The following PRR11 variants were observed in gnomAD, a reference collection of about 807,000 sequenced individuals.
PRR11 encodes the protein proline rich 11, also known as proline-rich protein 11.
PRR11 carries 30 observed loss-of-function variants against 45.6 expected under a neutral mutation model. That is an observed-to-expected ratio of 0.66 (90% confidence interval 0.49 to 0.89). The LOEUF is 0.89. PRR11 is among the 40% of genes least tolerant of loss of function. PRR11 has a pLI of 0.00. For missense variants in PRR11, 373 were observed against 424.8 expected (o/e 0.88, Z 1.07); for synonymous variants, 128 against 153.5 (o/e 0.83, Z 1.23).
At chr17:59,197,443 A>G (rs2046871962) in intron 7 of PRR11, 101 bp from the exon 8 acceptor site, 13 of 1,069,414 alleles carry the variant, frequency 1.2e-5, no homozygotes, top group Admixed American at 2.2e-5. Flanking sequence ...AATAGAGACA[A>G]GGTTTCACCG....
chr17:59,159,956 C>T (rs1284524929), intron 1 of PRR11, among the ~76,000 whole-genome samples: 1 of 152,134 alleles, frequency 6.6e-6, no homozygotes, highest in Non-Finnish European at 1.5e-5. Flanking sequence ...TCTGCTTACC[C>T]ATCTCTCCCC....
Position 59,195,335 on chromosome 17 carries a change from T to C in PRR11, c.749T>C (p.Ile250Thr). The change falls in exon 7 of 10, where the codon ATA (isoleucine) becomes ACA (threonine). Residue 250 changes from isoleucine to threonine, a missense_variant. By Grantham distance (89) the Ile-to-Thr change is moderately conservative. Transcript: ENST00000262293. The stretch of plus-strand genomic sequence containing the variant: ...TGTCTCATTTTATAATTAAAGCTTA[T>C]ACCATCGCCGAAAGCACGGAATCCA... Reference protein sequence around the residue: ...TQSLDEKRKLIPSPKARNPLV... With the variant: ...TQSLDEKRKLTPSPKARNPLV... 2.5e-6 allele frequency: 4 copies of C among 1,610,274 alleles called. No individual in the cohort carries two copies. The highest frequency in any genetic ancestry group is 3.4e-6 in the Non-Finnish European group (4 of 1,176,618).
intron 4 of PRR11, among the ~76,000 whole-genome samples, chr17:59,190,924 T>C (rs2147852714): frequency 6.6e-6 from 1 of 152,326 alleles, no homozygotes; most frequent in South Asian, 2.1e-4. Flanking sequence ...GAAGGAGGAA[T>C]GGCTACAGGT....
At chr17:59,173,340 C>T (rs1037176040) in intron 2 of PRR11, among the ~76,000 whole-genome samples, 6 of 152,146 alleles carry the variant, frequency 3.9e-5, no homozygotes, top group South Asian at 2.1e-4. Context: ...TAGTGGCAAC[C>T]AGTGGGGGCC....
rs879334808 is a variant in PRR11 at position 59,197,465 on chromosome 17, A to T, written c.858-79A>T. 20 of 1,284,796 alleles carry T rather than the reference A, an allele frequency of 1.6e-5. 1 individual carries two copies. In the Admixed American group the frequency reaches 3.6e-4, roughly 23 times the overall value. 79.6% of individuals were successfully genotyped at this position (1,284,796 alleles called of 1,614,324 possible). On this transcript the variant is annotated intron_variant, in intron 7 of 9. Coordinates refer to ENST00000262293, the MANE Select transcript of PRR11 (RefSeq NM_018304.4). ...ACAAGGTTTCACCGTGTTAGCAAGG[A>T]TGGTCTTGATCTCCTGACCTTGTGA...
intron 1 of PRR11, among the ~76,000 whole-genome samples, chr17:59,156,073 T>G (rs1451005018): frequency 6.6e-6 from 1 of 152,204 alleles, no homozygotes; most frequent in Non-Finnish European, 1.5e-5. Context: ...CTTTACATAT[T>G]TGCTGCTCAA....
chr17:59,159,650 A>G (rs1300640773), intron 1 of PRR11, among the ~76,000 whole-genome samples: 3 of 152,050 alleles, frequency 2.0e-5, no homozygotes, highest in Admixed American at 1.3e-4. Context: ...CAGCTTCATC[A>G]CTCATTGCCC....
At chr17:59,186,895 A>G (rs1312032377) in intron 4 of PRR11, among the ~76,000 whole-genome samples, 1 of 152,248 alleles carries the variant, frequency 6.6e-6, no homozygotes, top group Non-Finnish European at 1.5e-5. Flanking sequence ...TCACCTAAAT[A>G]CAGGAATACA....
At chr17:59,158,319 G>T (rs2046635847) in intron 1 of PRR11, among the ~76,000 whole-genome samples, 1 of 152,202 alleles carries the variant, frequency 6.6e-6, no homozygotes, top group South Asian at 2.1e-4. Flanking sequence ...CTAAATGCAT[G>T]TGGAACCAGG....
At chr17:59,198,280 C>T (rs928572789) in intron 9 of PRR11, among the ~76,000 whole-genome samples, 1 of 152,078 alleles carries the variant, frequency 6.6e-6, no homozygotes, top group Non-Finnish European at 1.5e-5. Context: ...TGGCTCATGC[C>T]TGTAATCTCA....
At chr17:59,167,832 C>G (rs1486845970) in intron 1 of PRR11, among the ~76,000 whole-genome samples, 1 of 152,186 alleles carries the variant, frequency 6.6e-6, no homozygotes, top group Non-Finnish European at 1.5e-5. Context: ...AGGCCACTTT[C>G]ATTGCTCTCT....
chr17:59,167,186 A>G (rs2046684271), intron 1 of PRR11, among the ~76,000 whole-genome samples: 1 of 152,156 alleles, frequency 6.6e-6, no homozygotes, highest in African/African-American at 2.4e-5. Context: ...TAAATTGACC[A>G]ATAATAATTA....
chr17:59,193,684 C>A lies in PRR11; in HGVS notation c.595C>A (p.Pro199Thr), dbSNP rs143364546. The change falls in exon 5 of 10, where the codon CCA becomes ACA. Residue 199 changes from proline (P) to threonine (T), a missense_variant. Physicochemically the swap from Pro to Thr is conservative, Grantham distance 38. Transcript: ENST00000262293. The stretch of plus-strand genomic sequence containing the variant: ...TCCACCTCTGCCACCTCCTCCACCA[C>A]CACTAGCACCTGTGTTGCTCAGAAA... ...PPPPLPPPPPPLAPVLLRKPS... is the reference protein window; with the variant it reads ...PPPPLPPPPPTLAPVLLRKPS... The A allele has an allele frequency of 1.9e-6, 3 of 1,613,948 alleles. No individual in the cohort carries two copies. In the African/African-American group the frequency reaches 4.0e-5, roughly 22 times the overall value.
chr17:59,177,625 G>A (rs2046755188), intron 2 of PRR11, among the ~76,000 whole-genome samples: 2 of 152,102 alleles, frequency 1.3e-5, no homozygotes, highest in African/African-American at 4.8e-5. Context: ...GTGGCCCAGA[G>A]CTCAGATCCC....
rs138950551 is a variant in PRR11, at chr17:59,185,070, A to G, written c.145A>G (p.Ile49Val). 2.0e-5 allele frequency: 32 copies of G among 1,613,344 alleles called. No homozygotes were observed. The African/African-American group carries it at 2.8e-4, about 14-fold the overall frequency. ...PSPERVGISS[I>V]DISQSRSWLT... ...TTCCTACAGAGTCGGTATTTCTTCA[A>G]TAGATATATCTCAAAGCAGAAGCTG... is the stretch of plus-strand genomic sequence containing the variant. The change falls in exon 3 of 10, where the codon ATA becomes GTA. Residue 49 changes from isoleucine (I) to valine (V), a missense_variant. Coordinates refer to ENST00000262293, the MANE Select transcript of PRR11 (RefSeq NM_018304.4).
At chr17:59,184,558 A>G (rs1384060340) in intron 2 of PRR11, among the ~76,000 whole-genome samples, 1 of 152,174 alleles carries the variant, frequency 6.6e-6, no homozygotes, top group African/African-American at 2.4e-5. Flanking sequence ...GAAAGGCCCA[A>G]ACTGAATGAG....
Position 59,169,815 on chromosome 17 carries a change from A to C in PRR11, c.63A>C (p.Lys21Asn). 1 of 1,612,382 alleles carries C rather than the reference A, an allele frequency of 6.2e-7. No homozygotes were observed. Among genetic ancestry groups the C allele is most frequent in the Non-Finnish European group, 8.5e-7 (1 of 1,179,536 alleles). Reference sequence around the variant, plus strand: ...CCAAAGCCGAAAGATTATTCAAAAAAAAAGAAGCCTCTCACTTTCAGTCCA... The same window carrying C: ...CCAAAGCCGAAAGATTATTCAAAAACAAAGAAGCCTCTCACTTTCAGTCCA... ...LKAKAERLFK[K>N]KEASHFQSKL... Residue 21 changes from lysine to asparagine, a missense_variant, in exon 2 of 10, where the codon AAA becomes AAC. Lys to Asn is a moderately conservative substitution (Grantham distance 94). Transcript: ENST00000262293.
intron 7 of PRR11, among the ~76,000 whole-genome samples, chr17:59,195,768 G>A (rs2046862960): frequency 1.3e-5 from 2 of 151,990 alleles, no homozygotes; most frequent in South Asian, 4.2e-4. Context: ...CAGATTTTGG[G>A]AGAAAAAGAT....
intron 2 of PRR11, among the ~76,000 whole-genome samples, chr17:59,176,791 G>T (rs1159475525): frequency 4.8e-5 from 7 of 145,684 alleles, no homozygotes; most frequent in Non-Finnish European, 1.0e-4. Flanking sequence ...CTGCCTCCTG[G>T]GTTCAACGGG....
Sources: gnomAD v4.1 joint callset for allele counts (sites outside exome capture counted in the v4.1 genomes callset) on GRCh38, gnomAD v4.1.1 for gene constraint, MANE v1.5 for transcripts, NCBI Gene and HGNC (gene_info 2026-07-23, HGNC 2026-07-21) for gene names.